The following HOXA10 variants were observed in gnomAD, a reference collection of about 807,000 sequenced individuals.
The protein encoded by HOXA10 is homeobox protein Hox-A10.
A neutral mutation model predicts 29.7 loss-of-function variants in HOXA10; 12 were observed. The ratio of observed to expected loss-of-function variants is 0.40; its 90% CI spans 0.26 to 0.65. The LOEUF (loss-of-function observed/expected upper bound fraction) is 0.65. Among genes scored for constraint, HOXA10 ranks in the 30% least tolerant of loss-of-function variants. HOXA10 has a pLI of 0.37. For synonymous variants in HOXA10, 327 were observed against 280.7 expected, an observed-to-expected ratio of 1.16 and a Z score of -1.65; for missense variants, 656 against 585.9, an observed-to-expected ratio of 1.12 and a Z score of -1.24.
upstream of HOXA10, chr7:27,174,718 G>A (rs938980072): frequency 4.6e-6 from 1 of 217,192 alleles, no homozygotes; most frequent in Non-Finnish European, 9.2e-6. Context: ...TGTCGCAGAA[G>A]CTGCCACTAG....
At chr7:27,179,533 C>T (rs1308867073) in intron 1 of HOXA10, 4 of 715,040 alleles carry the variant, frequency 5.6e-6, no homozygotes, top group Non-Finnish European at 1.0e-5. Context: ...TGGGGGCTCC[C>T]TACCGCGTCA....
upstream of HOXA10, among the ~76,000 whole-genome samples, chr7:27,179,144 A>G (rs1292189528): frequency 6.6e-6 from 1 of 152,226 alleles, no homozygotes; most frequent in Non-Finnish European, 1.5e-5. Context: ...CTTTTTCGGA[A>G]CAAAGGTTTT....
rs1583433498 is a variant in HOXA10 at position 27,173,450 on chromosome 7, G to A, written c.857C>T (p.Ser286Leu). The A allele has an allele frequency of 2.6e-6, 4 of 1,531,192 alleles. No individual in the cohort carries two copies. The highest frequency in any genetic ancestry group is 2.5e-5 in the East Asian group (1 of 40,384). 94.9% of individuals were successfully genotyped at this position (1,531,192 alleles called of 1,614,324 possible). ...CGCGTGCGCCTCCTCGTCGCCCTGC[G>A]AGCCCCCGCCGCTGCCGCAAGCCAG... is the stretch of plus-strand genomic sequence containing the variant. ...PTLACGSGGG[S>L]QGDEEAHASS... is the part of the protein sequence containing the mutation. The change falls in exon 1 of 2, where the codon TCG (serine) becomes TTG (leucine). Residue 286 changes from serine to leucine, a missense_variant. This residue lies in a region of HOXA10 where 594 missense variants were observed against 491.9 expected (regional missense o/e 1.21). Transcript: ENST00000283921.
rs1488159825 is a variant in HOXA10 at position 27,174,250 on chromosome 7, T to A, written c.57A>T (p.Ser19=). The change falls in exon 1 of 2, where the codon TCA becomes TCT. Residue 19 remains serine (S), a synonymous_variant. Transcript: ENST00000283921. ...LPSPNYPTTM[S]CSESPAANSF... The stretch of plus-strand genomic sequence containing the variant: ...AGTTCGCGGCGGGGCTCTCCGAGCA[T>A]GACATTGTTGTGGGATAATTTGGCG... 1 of 1,599,526 alleles carries A rather than the reference T, an allele frequency of 6.3e-7. No individual in the cohort carries two copies. Among genetic ancestry groups the A allele is most frequent in the Non-Finnish European group, 8.5e-7 (1 of 1,179,806 alleles).
exon 1 of HOXA10, chr7:27,179,833 A>G (rs1018307223): frequency 2.9e-6 from 2 of 697,538 alleles, no homozygotes; most frequent in African/African-American, 3.5e-5. Flanking sequence ...TCTTAGTATC[A>G]GAAGCGAACA....
At position 27,173,976 on chromosome 7, in the gene HOXA10, C is replaced by T. The variant is rs1464180084; in HGVS notation, c.331G>A (p.Gly111Arg). Residue 111 changes from glycine to arginine, a missense_variant, in exon 1 of 2, where the codon GGG becomes AGG. This residue lies in a region of HOXA10 where 594 missense variants were observed against 491.9 expected (regional missense o/e 1.21). Transcript: ENST00000283921. ...AGCCACAGGTCTATGGGCGAGGGCC[C>T]GTAGCCGTGCGCCCCGGGACCTAGA... ...GGLGPGAHGY[G>R]PSPIDLWLDA... 22 of 1,527,724 alleles carry T rather than the reference C, an allele frequency of 1.4e-5. No individual in the cohort carries two copies. The highest frequency in any genetic ancestry group is 1.9e-5 in the Non-Finnish European group (22 of 1,142,224). The allele number at this position is 1,527,724 out of a possible 1,614,324, so 94.6% of individuals were successfully genotyped here.
chr7:27,173,073 C>A (rs1313789119), intron 1 of HOXA10: 2 of 525,928 alleles, frequency 3.8e-6, no homozygotes, highest in South Asian at 2.2e-5. Flanking sequence ...CAGGAAAGAG[C>A]GCACAGGAGG....
At chr7:27,172,837 G>A (rs1038402582) in intron 1 of HOXA10, 2 of 162,662 alleles carry the variant, frequency 1.2e-5, no homozygotes, top group African/African-American at 4.8e-5. Context: ...TTCCCGCAAC[G>A]AAGATTCCCG....
rs1342695699 is a variant in HOXA10 at position 27,170,608 on chromosome 7, A to C, written c.*1291T>G. 5.9e-6 allele frequency: 2 copies of C among 341,544 alleles called. No homozygotes were observed. The highest frequency in any genetic ancestry group is 1.1e-5 in the Non-Finnish European group (2 of 177,236). The allele number at this position is 341,544 out of a possible 1,614,324, so 21.2% of individuals were successfully genotyped here. A position where few individuals can be genotyped will look rare whatever the true frequency, so the allele number is the denominator to read the frequency against. On this transcript the variant is annotated 3_prime_UTR_variant, in exon 2 of 2. Transcript: ENST00000283921. ...AAAAGAGGTAAAATTAAAAAGCTTC[A>C]TTCCACAGCTTTTATTCTATAAGAA...
chr7:27,176,070 C>T (rs1783650743), upstream of HOXA10, among the ~76,000 whole-genome samples: 2 of 152,244 alleles, frequency 1.3e-5, no homozygotes, highest in Non-Finnish European at 2.9e-5. Context: ...CCACTTCAAC[C>T]TCGGCGCCCC....
intron 1 of HOXA10, chr7:27,172,974 G>A: frequency 3.5e-6 from 1 of 288,176 alleles, no homozygotes; most frequent in Non-Finnish European, 6.5e-6. Context: ...CTATCTGCGG[G>A]CGAGCTACTT....
Position 27,179,834 on chromosome 7 carries a change from G to A in HOXA10, c.-179C>T, listed in dbSNP as rs900749231. ...ATGTACCGTGCTGCTCTTAGTATCA[G>A]AAGCGAACAAAGGCCAAGAATCATG... is the stretch of plus-strand genomic sequence containing the variant. On this transcript the variant is annotated 5_prime_UTR_variant, in exon 1 of 2. Transcript: ENST00000396344. 5.7e-6 allele frequency: 4 copies of A among 697,612 alleles called. No homozygotes were observed. The African/African-American group carries it at 7.0e-5, about 12-fold the overall frequency. 43.2% of individuals were successfully genotyped at this position (697,612 alleles called of 1,614,324 possible).
At position 27,173,704 on chromosome 7, in the gene HOXA10, G is replaced by A. The variant is rs1783576210; in HGVS notation, c.603C>T (p.Ala201=). The A allele has an allele frequency of 1.9e-6, 3 of 1,571,978 alleles. No individual in the cohort carries two copies. Among genetic ancestry groups the A allele is most frequent in the Non-Finnish European group, 2.6e-6 (3 of 1,159,506 alleles). ...CTGGCACCCCGCTGGAGGTGCCCAG[G>A]GCGCAGCCGTCGGGCGGCGGGCCCC... ...FPRGPPPDGC[A]LGTSSGVPVP... Residue 201 remains alanine, a synonymous_variant, in exon 1 of 2, where the codon GCC becomes GCT. Transcript: ENST00000283921.
intron 1 of HOXA10, chr7:27,179,569 A>T (rs1389997267): frequency 8.1e-6 from 6 of 744,534 alleles, no homozygotes; most frequent in Admixed American, 1.8e-5. Context: ...CACGTTCCCG[A>T]GAGCCCTGCT....
chr7:27,179,245 G>C (rs1219075346), upstream of HOXA10, among the ~76,000 whole-genome samples: 1 of 151,728 alleles, frequency 6.6e-6, no homozygotes, highest in Non-Finnish European at 1.5e-5. Flanking sequence ...TCGCCTTAGC[G>C]GCCGCAGACT....
At chr7:27,178,557 C>T (rs778574775), upstream of HOXA10, among the ~76,000 whole-genome samples, 1 of 152,228 alleles carries the variant, frequency 6.6e-6, no homozygotes, top group Non-Finnish European at 1.5e-5. Context: ...GAACTGGAGG[C>T]GGCTCTGGCA....
Position 27,174,156 on chromosome 7 carries a change from C to G in HOXA10, c.151G>C (p.Gly51Arg). The G allele has an allele frequency of 6.3e-7, 1 of 1,595,946 alleles. No individual in the cohort carries two copies. Among genetic ancestry groups the G allele is most frequent in the Non-Finnish European group, 8.5e-7 (1 of 1,178,992 alleles). Residue 51 changes from glycine to arginine, a missense_variant, in exon 1 of 2, where the codon GGC becomes CGC. Around this residue, in one of 2 missense-constraint regions of HOXA10, gnomAD observed 594 missense variants for 491.9 expected, o/e 1.21. Transcript: ENST00000283921. Reference sequence around the variant, plus strand: ...GCGTAGTAACCGCCACCGCCGCCGCCCCCCGCGCCACCACCACCGCCGCCT... The same window carrying G: ...GCGTAGTAACCGCCACCGCCGCCGCGCCCCGCGCCACCACCACCGCCGCCT... ...EAGGGGGGAG[G>R]GGGGGYYAHG...
Position 27,173,731 on chromosome 7 carries a change from C to T in HOXA10, c.576G>A (p.Pro192=). ...CGCAGCCGTCGGGCGGCGGGCCCCG[C>T]GGGAAGGGAGCCAGTTCGGCGGCGG... ...SATAAELAPF[P]RGPPPDGCAL... is the part of the protein sequence containing the mutation. Residue 192 remains proline (P), a synonymous_variant, in exon 1 of 2, where the codon CCG becomes CCA. Coordinates refer to ENST00000283921, the MANE Select transcript of HOXA10 (RefSeq NM_018951.4). The T allele has an allele frequency of 1.3e-6, 2 of 1,591,468 alleles. No homozygotes were observed. The highest frequency in any genetic ancestry group is 4.6e-5 in the East Asian group (2 of 43,432).
At position 27,173,505 on chromosome 7, in the gene HOXA10, G is replaced by C; in HGVS notation, c.802C>G (p.Arg268Gly). ...GGGGGCGGCGGCGAATCGAGGGCTC[G>C]CTCCTTCCGGGCCGCATCGGCCGAG... is the stretch of plus-strand genomic sequence containing the variant. ...SGSADAARKE[R>G]ALDSPPPPTL... Residue 268 changes from arginine (R) to glycine (G), a missense_variant, in exon 1 of 2, where the codon CGA (arginine) becomes GGA (glycine). By Grantham distance (125) the Arg-to-Gly change is moderately radical (BLOSUM62 -2). Around this residue, in one of 2 missense-constraint regions of HOXA10, gnomAD observed 594 missense variants for 491.9 expected, o/e 1.21. Coordinates refer to ENST00000283921, the MANE Select transcript of HOXA10 (RefSeq NM_018951.4). The C allele has an allele frequency of 6.7e-7, 1 of 1,503,080 alleles. No homozygotes were observed. Among genetic ancestry groups the C allele is most frequent in the Non-Finnish European group, 8.8e-7 (1 of 1,132,836 alleles). 93.1% of individuals were successfully genotyped at this position (1,503,080 alleles called of 1,614,324 possible).
Sources: gnomAD v4.1 joint callset for allele counts (sites outside exome capture counted in the v4.1 genomes callset) on GRCh38, gnomAD v4.1.1 for gene constraint, gnomAD v4.1.1 regional missense constraint, MANE v1.5 for transcripts, NCBI Gene and HGNC (gene_info 2026-07-23, HGNC 2026-07-21) for gene names.